Variants in PRR5 observed in about 807,000 individuals in gnomAD.
PRR5 encodes proline rich 5, also known as proline-rich protein 5.
In PRR5, 25 loss-of-function variants were observed where a neutral mutation model predicts 30.6. The observed-to-expected ratio is 0.82, with a 90% CI of 0.60 to 1.14. The LOEUF is 1.14. PRR5 is among the 50% of genes most tolerant of loss of function. The pLI is 0.00. For synonymous variants in PRR5, 286 were observed against 247.1 expected (o/e 1.16, Z -1.48); for missense variants, 600 against 547.1 (o/e 1.10, Z -0.96).
intron 1 of PRR5, among the ~76,000 whole-genome samples, chr22:44,693,337 C>G (rs1378215008): frequency 6.6e-6 from 1 of 152,046 alleles, no homozygotes; most frequent in Non-Finnish European, 1.5e-5. Flanking sequence ...TGGCGTGTGC[C>G]TGTAGTCCTA....
chr22:44,707,193 G>A (rs533707993), intron 1 of PRR5, among the ~76,000 whole-genome samples: 8 of 152,320 alleles, frequency 5.3e-5, no homozygotes, highest in East Asian at 1.9e-4. Flanking sequence ...TGGCCCCTGT[G>A]CCCCTATGGG....
chr22:44,707,096 C>T (rs1927336506), intron 1 of PRR5, among the ~76,000 whole-genome samples: 1 of 152,182 alleles, frequency 6.6e-6, no homozygotes, highest in Non-Finnish European at 1.5e-5. Flanking sequence ...CATCCTTATC[C>T]CCTTCCTTCC....
chr22:44,715,380 C>G (rs1471347391), intron 2 of PRR5, among the ~76,000 whole-genome samples: 1 of 152,226 alleles, frequency 6.6e-6, no homozygotes, highest in Non-Finnish European at 1.5e-5. Flanking sequence ...GCAAAATAGG[C>G]AGTAACCCTT....
At chr22:44,683,744 C>T (rs950817553) in intron 1 of PRR5, among the ~76,000 whole-genome samples, 4 of 152,224 alleles carry the variant, frequency 2.6e-5, no homozygotes, top group Non-Finnish European at 4.4e-5. Context: ...TGCAGAGTCA[C>T]CCCCTCTCTC....
chr22:44,729,407 G>A (rs903998350), intron 4 of PRR5: 25 of 985,046 alleles, frequency 2.5e-5, no homozygotes, highest in East Asian at 1.1e-4. Flanking sequence ...GAGCCAGCAC[G>A]GAGCCAAGGC....
At chr22:44,671,450 C>T (rs987361624) in intron 1 of PRR5, among the ~76,000 whole-genome samples, 3 of 152,128 alleles carry the variant, frequency 2.0e-5, no homozygotes, top group Non-Finnish European at 4.4e-5. Flanking sequence ...GCATATTTCT[C>T]GGTGACTTCA....
At chr22:44,693,795 A>ATTTTTT (rs61604082) in intron 1 of PRR5, among the ~76,000 whole-genome samples, 15,677 of 78,716 alleles carry the variant, frequency 0.2, 2,186 homozygotes, top group East Asian at 0.32. Context: ...ACACTCGGCT[A>ATTTTTT]TTTTTTTTTT....
At chr22:44,719,604 G>A (rs6007261) in intron 2 of PRR5, among the ~76,000 whole-genome samples, 40,203 of 152,058 alleles carry the variant, frequency 0.26, 5,745 homozygotes, top group South Asian at 0.43. Flanking sequence ...GCTATGTGCC[G>A]CCTGTGTTGT....
intron 2 of PRR5, among the ~76,000 whole-genome samples, chr22:44,724,438 A>C (rs572262211): frequency 3.9e-4 from 60 of 152,222 alleles, no homozygotes; most frequent in Non-Finnish European, 8.2e-4. Flanking sequence ...TCGTCTCAAA[A>C]AGAAAAAAAA....
In PRR5 at chr22:44,716,640, G is replaced by A. The variant is rs143385386; in HGVS notation, c.215+1969G>A. Reference sequence around the variant, plus strand: ...GAGACTGAGGCAGAGAGTGGTTGACGTGGGTTGCTTGAGGTCACAGGGCTA... The same window carrying A: ...GAGACTGAGGCAGAGAGTGGTTGACATGGGTTGCTTGAGGTCACAGGGCTA... On this transcript the variant is annotated intron_variant, in intron 2 of 7. Coordinates refer to ENST00000336985, the MANE Select transcript of PRR5 (RefSeq NM_181333.4). 3.9e-5 allele frequency among the ~76,000 whole-genome samples: 6 copies of A among 152,340 alleles called. No individual in the cohort carries two copies. In the East Asian group the frequency reaches 5.8e-4, roughly 15 times the overall value.
chr22:44,707,527 G>T (rs976620098), intron 1 of PRR5, among the ~76,000 whole-genome samples: 3 of 152,226 alleles, frequency 2.0e-5, no homozygotes, highest in Non-Finnish European at 4.4e-5. Context: ...CTGCCTCCTG[G>T]CAGGGATGCA....
chr22:44,675,461 G>C (rs1460245854), upstream of PRR5, among the ~76,000 whole-genome samples: 1 of 152,122 alleles, frequency 6.6e-6, no homozygotes. Context: ...CCAGGAGCTC[G>C]TGAGCAGTCA....
chr22:44,687,449 C>G (rs1045294898), intron 1 of PRR5, among the ~76,000 whole-genome samples: 1 of 152,206 alleles, frequency 6.6e-6, no homozygotes, highest in Non-Finnish European at 1.5e-5. Context: ...TAAATACAAA[C>G]CTAATCCCAG....
chr22:44,719,655 C>T (rs1437042969), intron 2 of PRR5, among the ~76,000 whole-genome samples: 2 of 152,168 alleles, frequency 1.3e-5, no homozygotes, highest in Non-Finnish European at 2.9e-5. Context: ...GGGGCAGTCT[C>T]TCTTCTAGCG....
chr22:44,702,020 G>A (rs925053914), upstream of PRR5, among the ~76,000 whole-genome samples: 2 of 152,112 alleles, frequency 1.3e-5, no homozygotes, highest in African/African-American at 4.8e-5. Context: ...GGGTGAGCAC[G>A]TCCTCAGAGG....
At chr22:44,679,035 TG>T (rs950920038) in intron 1 of PRR5, among the ~76,000 whole-genome samples, 6 of 152,250 alleles carry the variant, frequency 3.9e-5, no homozygotes, top group Admixed American at 3.3e-4. Context: ...GTCAGTGCCT[TG>T]GGGGGTCAGG....
intron 1 of PRR5, among the ~76,000 whole-genome samples, chr22:44,688,343 C>T (rs1924941696): frequency 6.6e-6 from 1 of 152,018 alleles, no homozygotes; most frequent in Non-Finnish European, 1.5e-5. Flanking sequence ...GTGATCGCAC[C>T]ACTGCATTCC....
chr22:44,703,404 A>G (rs886222572), intron 1 of PRR5, among the ~76,000 whole-genome samples: 2 of 151,342 alleles, frequency 1.3e-5, no homozygotes, highest in Non-Finnish European at 3.0e-5. Flanking sequence ...TGGCAGTAAA[A>G]TCTTGCCAGA....
intron 2 of PRR5, among the ~76,000 whole-genome samples, chr22:44,718,747 A>G (rs1001027421): frequency 6.6e-6 from 1 of 152,172 alleles, no homozygotes; most frequent in African/African-American, 2.4e-5. Flanking sequence ...CTGATGACTG[A>G]TGATGTTGAG....
Sources: gnomAD v4.1 joint callset for allele counts (sites outside exome capture counted in the v4.1 genomes callset) on GRCh38, gnomAD v4.1.1 for gene constraint, MANE v1.5 for transcripts, NCBI Gene and HGNC (gene_info 2026-07-23, HGNC 2026-07-21) for gene names.